OSBPL10: variants seen among roughly 807,000 people sequenced by gnomAD.
OSBPL10 encodes the protein oxysterol binding protein like 10.
A neutral mutation model predicts 81.7 loss-of-function variants in OSBPL10; 49 were observed. That is an observed-to-expected ratio of 0.60 (90% CI 0.48 to 0.76). The LOEUF (loss-of-function observed/expected upper bound fraction) is 0.76, where lower values mean the gene tolerates loss of function less well. Among genes scored for constraint, OSBPL10 ranks in the 30% least tolerant of loss-of-function variants. The pLI is 0.00. For missense variants in OSBPL10, 923 were observed against 987.8 expected, an observed-to-expected ratio of 0.93 and a Z score of 0.88; for synonymous variants, 419 against 383.6, an observed-to-expected ratio of 1.09 and a Z score of -1.08.
At chr3:31,671,875 G>A (rs1033044068) in intron 8 of OSBPL10, among the ~76,000 whole-genome samples, 1 of 152,130 alleles carries the variant, frequency 6.6e-6, no homozygotes, top group Non-Finnish European at 1.5e-5. Context: ...GACTGGCAGA[G>A]GCCCTGAGAC....
chr3:31,943,148 GT>G (rs1697584093), intron 1 of OSBPL10, among the ~76,000 whole-genome samples: 1 of 152,192 alleles, frequency 6.6e-6, no homozygotes, highest in African/African-American at 2.4e-5. Context: ...TTAGCATAAT[GT>G]TTTCAAGGTT....
chr3:31,824,382 C>G (rs568861716), intron 4 of OSBPL10, among the ~76,000 whole-genome samples: 1 of 152,088 alleles, frequency 6.6e-6, no homozygotes. Context: ...AGCGCCTTGA[C>G]GTGAGTCTCT....
At chr3:31,871,877 CAT>C (rs1491042049) in intron 3 of OSBPL10, among the ~76,000 whole-genome samples, 25 of 152,244 alleles carry the variant, frequency 1.6e-4, no homozygotes, top group South Asian at 6.2e-4. Flanking sequence ...CACACACACA[CAT>C]GCACACGCAC....
At chr3:31,754,327 C>T (rs1000724196) in intron 4 of OSBPL10, among the ~76,000 whole-genome samples, 8 of 152,068 alleles carry the variant, frequency 5.3e-5, no homozygotes. Context: ...AACTAGTGTA[C>T]AGAACTTCCA....
At chr3:31,965,785 T>A (rs1309954805) in intron 1 of OSBPL10, among the ~76,000 whole-genome samples, 1 of 76,538 alleles carries the variant, frequency 1.3e-5, no homozygotes, top group African/African-American at 6.2e-5. Flanking sequence ...ATTATATAAA[T>A]AGATAAGATA....
At chr3:31,685,229 G>A (rs1302573604) in intron 7 of OSBPL10, among the ~76,000 whole-genome samples, 4 of 152,142 alleles carry the variant, frequency 2.6e-5, no homozygotes, top group African/African-American at 9.7e-5. Context: ...TTGAGACAGA[G>A]TCACCTTCTG....
At chr3:31,940,218 T>A (rs1456848820) in intron 1 of OSBPL10, among the ~76,000 whole-genome samples, 1 of 152,170 alleles carries the variant, frequency 6.6e-6, no homozygotes, top group Admixed American at 6.5e-5. Context: ...GGTGAACCCA[T>A]ACAATGGAAC....
intron 2 of OSBPL10, chr3:31,989,393 T>C: frequency 6.2e-7 from 1 of 1,613,968 alleles, no homozygotes; most frequent in Admixed American, 1.7e-5. Context: ...TTCCAGAAAA[T>C]TGGGAAAGAT....
intron 2 of OSBPL10, chr3:31,989,163 T>C: frequency 6.2e-7 from 1 of 1,614,136 alleles, no homozygotes; most frequent in South Asian, 1.1e-5. Flanking sequence ...CTTTTAGGGA[T>C]GTGGCTATAG....
chr3:31,860,666 TTC>T lies in OSBPL10; in HGVS notation c.537+15765_537+15766del, dbSNP rs147466751. Among the ~76,000 whole-genome samples, 925 of 152,200 alleles carry T rather than the reference TTC, an allele frequency of 6.1e-3. 10 individuals carry two copies. Among genetic ancestry groups the T allele is most frequent in the African/African-American group, 0.02 (844 of 41,538 alleles). On this transcript the variant is annotated intron_variant, in intron 3 of 11. Coordinates refer to ENST00000396556, the MANE Select transcript of OSBPL10 (RefSeq NM_017784.5). ...ACTGTTAAAAATACCTTAGTTCTCT[TTC>T]TGTTTTTTGTTGTTGTTGTTGTTTT... is the stretch of plus-strand genomic sequence containing the variant.
Position 31,944,264 on chromosome 3 carries a change from T to C in OSBPL10, c.281+36635A>G, listed in dbSNP as rs1047811448. Among the ~76,000 whole-genome samples the C allele has an allele frequency of 3.3e-5, 5 of 152,160 alleles. No individual in the cohort carries two copies. The East Asian group carries it at 5.8e-4, about 18-fold the overall frequency. On this transcript the variant is annotated intron_variant, in intron 1 of 11. Transcript: ENST00000396556. ...ACCTATTTGTCTTCCATAAAAGTCA[T>C]ACCAATCTATATTTCTACCAGCAAA...
intron 8 of OSBPL10, among the ~76,000 whole-genome samples, chr3:31,682,695 C>A (rs1700682774): frequency 6.6e-6 from 1 of 152,198 alleles, no homozygotes; most frequent in Non-Finnish European, 1.5e-5. Flanking sequence ...TTCAACTTAC[C>A]ACACAATCCA....
intron 3 of OSBPL10, among the ~76,000 whole-genome samples, chr3:31,864,646 T>C (rs1701132862): frequency 6.6e-6 from 1 of 151,510 alleles, no homozygotes; most frequent in South Asian, 2.1e-4. Flanking sequence ...CAAGGAAGCA[T>C]GGAGGTGTGC....
chr3:31,762,535 T>C lies in OSBPL10; in HGVS notation c.730-14415A>G, dbSNP rs1251536333. Among the ~76,000 whole-genome samples, 9 of 151,860 alleles carry C rather than the reference T, an allele frequency of 5.9e-5. No homozygotes were observed. In the South Asian group the frequency reaches 1.9e-3, roughly 32 times the overall value. ...TCACCCAGGCTGGAGTACAGTGGCA[T>C]GATCACGGCTCACTGCAGCCTCACT... On this transcript the variant is annotated intron_variant, in intron 4 of 11. Coordinates refer to ENST00000396556, the MANE Select transcript of OSBPL10 (RefSeq NM_017784.5).
intron 7 of OSBPL10, among the ~76,000 whole-genome samples, chr3:31,691,488 G>A (rs1473908154): frequency 1.3e-5 from 2 of 152,156 alleles, no homozygotes; most frequent in African/African-American, 4.8e-5. Context: ...GAGAGGCTGA[G>A]GTGGGAGGAT....
At chr3:31,972,303 C>T (rs1441906411) in intron 1 of OSBPL10, among the ~76,000 whole-genome samples, 3 of 152,190 alleles carry the variant, frequency 2.0e-5, no homozygotes, top group Non-Finnish European at 4.4e-5. Flanking sequence ...GCAGAAGAAT[C>T]GCTTGAACCC....
At chr3:31,802,635 CCTT>C (rs1460060857) in intron 4 of OSBPL10, among the ~76,000 whole-genome samples, 1 of 151,896 alleles carries the variant, frequency 6.6e-6, no homozygotes, top group East Asian at 1.9e-4. Flanking sequence ...TATTAATTCC[CCTT>C]CTTTTCAACA....
intron 4 of OSBPL10, among the ~76,000 whole-genome samples, chr3:31,818,685 C>T (rs1198410037): frequency 1.3e-5 from 2 of 152,204 alleles, no homozygotes; most frequent in African/African-American, 4.8e-5. Context: ...ATGCTCCCCA[C>T]TCCTACTCCA....
chr3:31,843,373 T>A (rs944160774), intron 3 of OSBPL10, among the ~76,000 whole-genome samples: 76 of 152,200 alleles, frequency 5.0e-4, no homozygotes, highest in African/African-American at 1.7e-3. Context: ...CAGTGGGATT[T>A]GGCTTAAATT....
Sources: gnomAD v4.1 joint callset for allele counts (sites outside exome capture counted in the v4.1 genomes callset) on GRCh38, gnomAD v4.1.1 for gene constraint, MANE v1.5 for transcripts, NCBI Gene and HGNC (gene_info 2026-07-23, HGNC 2026-07-21) for gene names.